Variants in LYN observed in about 807,000 individuals in gnomAD.
The protein encoded by LYN is tyrosine-protein kinase Lyn.
In LYN, 12 loss-of-function variants were observed where a neutral mutation model predicts 65.0. The ratio of observed to expected loss-of-function variants is 0.18; its 90% CI spans 0.12 to 0.30. The LOEUF is 0.30. LYN is among the 10% of genes least tolerant of loss of function. The probability of loss-of-function intolerance (pLI) is 1.00; values close to 1 mark genes in which losing one functional copy is unlikely to be tolerated. For synonymous variants in LYN, 222 were observed against 221.2 expected, an observed-to-expected ratio of 1.00 and a Z score of -0.03; for missense variants, 380 against 623.2, an observed-to-expected ratio of 0.61 and a Z score of 4.16.
intron 1 of LYN, among the ~76,000 whole-genome samples, chr8:55,903,112 G>C (rs1211867114): frequency 6.6e-6 from 1 of 152,206 alleles, no homozygotes; most frequent in Non-Finnish European, 1.5e-5. Flanking sequence ...CTCCCACAGT[G>C]CTGGGATTAC....
chr8:55,924,398 T>C (rs1205348655), intron 1 of LYN, among the ~76,000 whole-genome samples: 2 of 151,970 alleles, frequency 1.3e-5, no homozygotes, highest in Non-Finnish European at 2.9e-5. Flanking sequence ...AGTCTTGCTC[T>C]ATGATCCAGG....
intron 2 of LYN, among the ~76,000 whole-genome samples, chr8:55,945,157 T>C (rs1257214015): frequency 6.6e-6 from 1 of 152,204 alleles, no homozygotes; most frequent in Non-Finnish European, 1.5e-5. Flanking sequence ...AAAAAGCCAT[T>C]TTAAGGAAAA....
chr8:55,929,679 G>T lies in LYN; in HGVS notation c.-5-12176G>T, dbSNP rs189809905. On this transcript the variant is annotated intron_variant, in intron 1 of 12. Transcript: ENST00000519728. Reference sequence around the variant, plus strand: ...ACTGGTAGCTGGGAGGCCTGGAGAGGTGCTACTGGCATCCAGTGGGTAGAG... The same window carrying T: ...ACTGGTAGCTGGGAGGCCTGGAGAGTTGCTACTGGCATCCAGTGGGTAGAG... 4.6e-5 allele frequency among the ~76,000 whole-genome samples: 7 copies of T among 152,296 alleles called. No homozygotes were observed. The East Asian group carries it at 1.3e-3, about 29-fold the overall frequency.
At chr8:55,937,505 G>C (rs1323357593) in intron 1 of LYN, among the ~76,000 whole-genome samples, 1 of 152,182 alleles carries the variant, frequency 6.6e-6, no homozygotes, top group Non-Finnish European at 1.5e-5. Context: ...CATCTAGATT[G>C]TCTCTACTAT....
chr8:56,009,120 GATA>G (rs1400774418), intron 12 of LYN, among the ~76,000 whole-genome samples: 4 of 152,138 alleles, frequency 2.6e-5, no homozygotes, highest in African/African-American at 9.7e-5. Context: ...GTCCGTATAA[GATA>G]ATATGTGGTA....
Position 55,887,652 on chromosome 8 carries a change from C to G in LYN, c.-6+7549C>G, listed in dbSNP as rs1043463099. 2.0e-5 allele frequency among the ~76,000 whole-genome samples: 3 copies of G among 150,452 alleles called. No individual in the cohort carries two copies. In the East Asian group the frequency reaches 5.8e-4, roughly 29 times the overall value. Reference sequence around the variant, plus strand: ...TGAGACAGAGTCTTGCTCTGTCACCCAGGCTGGACTGTGATGGTGTGATCT... The same window carrying G: ...TGAGACAGAGTCTTGCTCTGTCACCGAGGCTGGACTGTGATGGTGTGATCT... On this transcript the variant is annotated intron_variant, in intron 1 of 12. Coordinates refer to ENST00000519728, the MANE Select transcript of LYN (RefSeq NM_002350.4).
intron 1 of LYN, among the ~76,000 whole-genome samples, chr8:55,921,190 T>G (rs1805937678): frequency 6.6e-6 from 1 of 152,252 alleles, no homozygotes; most frequent in South Asian, 2.1e-4. Context: ...TATATTCTAT[T>G]ACGGAATTGC....
intron 12 of LYN, among the ~76,000 whole-genome samples, chr8:56,008,742 T>G (rs1808739878): frequency 6.6e-6 from 1 of 152,140 alleles, no homozygotes; most frequent in Admixed American, 6.5e-5. Flanking sequence ...AGCACCTTAC[T>G]TCTCTCCTGG....
intron 1 of LYN, among the ~76,000 whole-genome samples, chr8:55,934,269 A>T (rs1483920059): frequency 6.6e-6 from 1 of 152,178 alleles, no homozygotes; most frequent in Non-Finnish European, 1.5e-5. Context: ...CAGCAAACAG[A>T]AGATAAAAAG....
intron 1 of LYN, among the ~76,000 whole-genome samples, chr8:55,907,504 A>G (rs1406901071): frequency 6.6e-6 from 1 of 152,166 alleles, no homozygotes; most frequent in African/African-American, 2.4e-5. Flanking sequence ...GGGCACATAC[A>G]TCTACCAGAA....
At chr8:55,920,139 GATTA>G (rs1357972977) in intron 1 of LYN, among the ~76,000 whole-genome samples, 1 of 152,204 alleles carries the variant, frequency 6.6e-6, no homozygotes, top group East Asian at 1.9e-4. Flanking sequence ...TAATTCAGCA[GATTA>G]ATTGTGGGAA....
chr8:55,964,264 A>G (rs988241556), intron 8 of LYN, among the ~76,000 whole-genome samples: 1 of 151,936 alleles, frequency 6.6e-6, no homozygotes, highest in African/African-American at 2.4e-5. Context: ...GGGTCTCACT[A>G]TATTGCCCAG....
intron 10 of LYN, among the ~76,000 whole-genome samples, chr8:55,992,092 G>C (rs1205595543): frequency 1.3e-5 from 2 of 152,218 alleles, no homozygotes; most frequent in African/African-American, 2.4e-5. Context: ...CTGGGTGAAA[G>C]AGACAGTTTA....
chr8:55,961,425 A>C (rs948436409), intron 8 of LYN, among the ~76,000 whole-genome samples: 1 of 152,194 alleles, frequency 6.6e-6, no homozygotes, highest in Non-Finnish European at 1.5e-5. Context: ...CACTGAATAA[A>C]AATCATGCCT....
At chr8:55,966,417 G>C (rs1807460943) in intron 8 of LYN, among the ~76,000 whole-genome samples, 1 of 151,608 alleles carries the variant, frequency 6.6e-6, no homozygotes. Context: ...ACCCAGGCTG[G>C]AATGCAATGG....
intron 1 of LYN, among the ~76,000 whole-genome samples, chr8:55,934,169 T>C (rs1034084952): frequency 6.6e-6 from 1 of 152,120 alleles, no homozygotes; most frequent in Non-Finnish European, 1.5e-5. Flanking sequence ...GAGGTTGCAG[T>C]GAGCCGAGAT....
At chr8:55,922,453 A>G (rs913286605) in intron 1 of LYN, among the ~76,000 whole-genome samples, 1 of 152,036 alleles carries the variant, frequency 6.6e-6, no homozygotes, top group African/African-American at 2.4e-5. Flanking sequence ...AATCAGGTAA[A>G]TAATAGGTAG....
intron 1 of LYN, among the ~76,000 whole-genome samples, chr8:55,919,851 G>A (rs1805894398): frequency 6.6e-6 from 1 of 150,618 alleles, no homozygotes; most frequent in Admixed American, 6.6e-5. Flanking sequence ...TCCAGGCAAA[G>A]ACGCTGCTTG....
chr8:55,885,784 G>A (rs532790594), intron 1 of LYN, among the ~76,000 whole-genome samples: 17 of 152,334 alleles, frequency 1.1e-4, no homozygotes, highest in African/African-American at 4.1e-4. Context: ...CCCGATGCTG[G>A]AGAGAAAAGG....
Sources: allele counts gnomAD v4.1 joint callset (sites outside exome capture counted in the v4.1 genomes callset), GRCh38; gene constraint gnomAD v4.1.1; transcripts MANE v1.5; gene names NCBI Gene and HGNC (gene_info 2026-07-23, HGNC 2026-07-21).